RAB38: variants seen among roughly 807,000 people sequenced by gnomAD.
RAB38 encodes the protein ras-related protein Rab-38.
Under a neutral mutation model 18.4 loss-of-function variants are expected in RAB38, and 15 were observed. The observed-to-expected ratio is 0.82, with a 90% CI of 0.55 to 1.26. The LOEUF (loss-of-function observed/expected upper bound fraction) is 1.26. Ranked by LOEUF, RAB38 falls within the 50% of genes most tolerant of loss-of-function variation. RAB38 has a pLI of 0.00. For synonymous variants in RAB38, 101 were observed against 104.4 expected (o/e 0.97, Z 0.20); for missense variants, 294 against 267.4 (o/e 1.10, Z -0.69).
At chr11:87,821,938 T>C in the RAB38 span, among the ~76,000 whole-genome samples, 1 of 151,560 alleles carries the variant, frequency 6.6e-6, no homozygotes. Context: ...GCTGGAGAAA[T>C]TGTGAATGGA....
At chr11:88,137,662 A>AT (rs1356317617) in intron 2 of RAB38, among the ~76,000 whole-genome samples, 2 of 152,184 alleles carry the variant, frequency 1.3e-5, no homozygotes, top group African/African-American at 2.4e-5. Flanking sequence ...AAGAAATAAC[A>AT]TTTTTCAGAA....
At chr11:88,093,472 C>T in the RAB38 span, among the ~76,000 whole-genome samples, 1 of 126,182 alleles carries the variant, frequency 7.9e-6, no homozygotes, top group East Asian at 2.3e-4. Flanking sequence ...TAACATACAT[C>T]GAATTGTATA....
the RAB38 span, among the ~76,000 whole-genome samples, chr11:87,918,966 G>C: frequency 6.6e-6 from 1 of 151,276 alleles, no homozygotes; most frequent in African/African-American, 2.4e-5. Flanking sequence ...AACATGACAT[G>C]AAGCTTTCCC....
chr11:88,140,970 C>A (rs1426083449), intron 2 of RAB38, among the ~76,000 whole-genome samples: 1 of 151,978 alleles, frequency 6.6e-6, no homozygotes, highest in African/African-American at 2.4e-5. Flanking sequence ...AAGTAGAGAT[C>A]CAGAAGGATA....
the RAB38 span, among the ~76,000 whole-genome samples, chr11:87,890,831 T>A: frequency 8.6e-5 from 13 of 152,032 alleles, no homozygotes; most frequent in South Asian, 2.7e-3. Context: ...GAGTAGTCAT[T>A]ATGTGCTAGA....
the RAB38 span, among the ~76,000 whole-genome samples, chr11:87,908,548 TCA>T: frequency 6.6e-6 from 1 of 152,046 alleles, no homozygotes. Flanking sequence ...TCTGAATTAA[TCA>T]CAGTCTAATT....
the RAB38 span, among the ~76,000 whole-genome samples, chr11:87,901,823 C>A: frequency 1.3e-5 from 2 of 151,562 alleles, no homozygotes; most frequent in African/African-American, 4.8e-5. Context: ...TCATTCAACT[C>A]ATGGTCCAAT....
the RAB38 span, among the ~76,000 whole-genome samples, chr11:87,975,224 A>G: frequency 0.14 from 20,944 of 151,838 alleles, 1,651 homozygotes; most frequent in Non-Finnish European, 0.18. Flanking sequence ...CAGATCCCCA[A>G]TTAGGTGCAT....
At chr11:87,862,989 C>T in the RAB38 span, among the ~76,000 whole-genome samples, 1 of 151,862 alleles carries the variant, frequency 6.6e-6, no homozygotes. Context: ...AGTCCATCTG[C>T]ACTAATCACT....
At chr11:88,093,502 T>C in the RAB38 span, among the ~76,000 whole-genome samples, 1 of 151,782 alleles carries the variant, frequency 6.6e-6, no homozygotes, top group Non-Finnish European at 1.5e-5. Flanking sequence ...AAAAAATTAA[T>C]ATCTTCTCCA....
the RAB38 span, among the ~76,000 whole-genome samples, chr11:87,810,194 C>T: frequency 6.6e-6 from 1 of 151,930 alleles, no homozygotes; most frequent in African/African-American, 2.4e-5. Flanking sequence ...TTGAAAATAT[C>T]CCCAGACACC....
At chr11:88,118,619 A>G (rs988504371) in intron 2 of RAB38, among the ~76,000 whole-genome samples, 2 of 152,196 alleles carry the variant, frequency 1.3e-5, no homozygotes, top group African/African-American at 2.4e-5. Context: ...ATCTTTTGCT[A>G]GAAAGGAAAT....
intron 1 of RAB38, among the ~76,000 whole-genome samples, chr11:88,162,591 CTCAT>C (rs1565220906): frequency 1.3e-5 from 2 of 150,418 alleles, no homozygotes; most frequent in Non-Finnish European, 3.0e-5. Context: ...CTCGTCTAAT[CTCAT>C]TCATTCATTT....
chr11:87,926,257 G>A, the RAB38 span, among the ~76,000 whole-genome samples: 2 of 151,896 alleles, frequency 1.3e-5, no homozygotes, highest in Non-Finnish European at 2.9e-5. Context: ...TGCTTCAAAA[G>A]CTTCAAACCT....
the RAB38 span, among the ~76,000 whole-genome samples, chr11:87,962,377 T>C: frequency 2.6e-5 from 4 of 152,030 alleles, no homozygotes; most frequent in Admixed American, 6.6e-5. Context: ...TAAGTAAAAT[T>C]AGCCAGGCAC....
At chr11:88,115,635 G>T (rs1298084544) in intron 2 of RAB38, 1 of 152,160 alleles carries the variant, frequency 6.6e-6, no homozygotes. Flanking sequence ...CAAGGTAAAA[G>T]TGTGATTGCT....
intron 1 of RAB38, 144 bp from the exon 2 acceptor site, chr11:88,150,099 A>G (rs1943046747): frequency 1.2e-6 from 1 of 843,972 alleles, no homozygotes. Context: ...CGAACTAAAT[A>G]TGCAATCATG....
At chr11:87,858,263 C>T in the RAB38 span, among the ~76,000 whole-genome samples, 2 of 151,998 alleles carry the variant, frequency 1.3e-5, no homozygotes, top group African/African-American at 4.8e-5. Context: ...TCAGCATTGG[C>T]CTACAATGCC....
At chr11:87,815,423 AG>A in the RAB38 span, 9 of 152,210 alleles carry the variant, frequency 5.9e-5, no homozygotes, top group Admixed American at 1.3e-4. Flanking sequence ...TCAGGAGATC[AG>A]GCGAAAATAG....
Sources: allele counts gnomAD v4.1 joint callset (sites outside exome capture counted in the v4.1 genomes callset), GRCh38; gene constraint gnomAD v4.1.1; transcripts MANE v1.5; gene names NCBI Gene and HGNC (gene_info 2026-07-23, HGNC 2026-07-21).